The following CYP7B1 variants were observed in gnomAD, a reference collection of about 807,000 sequenced individuals.
CYP7B1 encodes cytochrome P450 family 7 subfamily B member 1.
Under a neutral mutation model 42.7 loss-of-function variants are expected in CYP7B1, and 29 were observed. The ratio of observed to expected loss-of-function variants is 0.68; its 90% confidence interval spans 0.51 to 0.93. The LOEUF is 0.93. Ranked by LOEUF, CYP7B1 falls within the 40% of genes least tolerant of loss-of-function variation. CYP7B1 has a pLI of 0.00. For missense variants in CYP7B1, 655 were observed against 600.5 expected (o/e 1.09, Z -0.95); for synonymous variants, 235 against 218.2 (o/e 1.08, Z -0.68).
At chr8:64,606,540 A>T (rs1358922057) in intron 4 of CYP7B1, among the ~76,000 whole-genome samples, 1 of 152,240 alleles carries the variant, frequency 6.6e-6, no homozygotes, top group Non-Finnish European at 1.5e-5. Flanking sequence ...GGCATATAAC[A>T]GTCCGAATAA....
intron 1 of CYP7B1, among the ~76,000 whole-genome samples, chr8:64,638,223 T>C (rs1805802716): frequency 6.6e-6 from 1 of 152,166 alleles, no homozygotes; most frequent in Non-Finnish European, 1.5e-5. Flanking sequence ...TGATGGCGAC[T>C]TTCCTCACTA....
At chr8:64,766,738 G>A (rs1213058807) in intron 1 of CYP7B1, among the ~76,000 whole-genome samples, 2 of 152,180 alleles carry the variant, frequency 1.3e-5, no homozygotes, top group Non-Finnish European at 2.9e-5. Context: ...CTGCCCCAGG[G>A]AACGAAGGTC....
intron 1 of CYP7B1, among the ~76,000 whole-genome samples, chr8:64,724,930 C>T (rs957066320): frequency 4.6e-5 from 7 of 152,184 alleles, no homozygotes; most frequent in Admixed American, 6.5e-5. Context: ...TTCTGTCTGT[C>T]AGCTGGCTGT....
At chr8:64,731,565 T>C (rs976360850) in intron 1 of CYP7B1, among the ~76,000 whole-genome samples, 1 of 152,096 alleles carries the variant, frequency 6.6e-6, no homozygotes, top group Non-Finnish European at 1.5e-5. Context: ...AGATATAAAA[T>C]AAAAACTCAT....
At chr8:64,788,920 C>T (rs1025001819) in intron 1 of CYP7B1, among the ~76,000 whole-genome samples, 26 of 152,014 alleles carry the variant, frequency 1.7e-4, no homozygotes, top group Non-Finnish European at 4.4e-5. Context: ...TTGTACTTCG[C>T]ACTCTTTTTT....
In CYP7B1 at chr8:64,650,603, G is replaced by A. The variant is rs1179751647; in HGVS notation, c.123-26064C>T. Among the ~76,000 whole-genome samples, 8 of 152,280 alleles carry A rather than the reference G, an allele frequency of 5.3e-5. 1 individual carries two copies. The highest frequency in any genetic ancestry group is 9.6e-5 in the African/African-American group (4 of 41,560). ...GCAGAGGTTGCAGTGAGCCTAGATC[G>A]TGCTGTTGCACTCCATCCTGGGTGA... is the stretch of plus-strand genomic sequence containing the variant. On this transcript the variant is annotated intron_variant, in intron 1 of 5. Transcript: ENST00000310193.
intron 1 of CYP7B1, among the ~76,000 whole-genome samples, chr8:64,648,675 T>C (rs1298396664): frequency 1.3e-5 from 2 of 152,194 alleles, no homozygotes; most frequent in Admixed American, 6.5e-5. Flanking sequence ...TTTGTAATAA[T>C]TGTATTTCCT....
At chr8:64,635,743 A>ATTTTCACCC (rs746257972) in intron 1 of CYP7B1, among the ~76,000 whole-genome samples, 30 of 152,310 alleles carry the variant, frequency 2.0e-4, no homozygotes, top group Non-Finnish European at 2.8e-4. Flanking sequence ...GATGAAATGT[A>ATTTTCACCC]TTTTCACCCT....
chr8:64,745,493 G>C (rs1807630352), intron 1 of CYP7B1, among the ~76,000 whole-genome samples: 1 of 152,122 alleles, frequency 6.6e-6, no homozygotes, highest in Admixed American at 6.6e-5. Flanking sequence ...TACATTTATA[G>C]TGTGCAGAAA....
At chr8:64,624,341 G>A (rs2129630424) in intron 2 of CYP7B1, 62 bp downstream of exon 2, 3 of 1,480,910 alleles carry the variant, frequency 2.0e-6, no homozygotes, top group African/African-American at 1.4e-5. Context: ...AAAACAGAAA[G>A]ACATTAAAGA....
At chr8:64,640,104 C>A (rs1805831282) in intron 1 of CYP7B1, among the ~76,000 whole-genome samples, 1 of 152,016 alleles carries the variant, frequency 6.6e-6, no homozygotes, top group Non-Finnish European at 1.5e-5. Flanking sequence ...AAAATAGAGG[C>A]AAAAGGCAGA....
intron 1 of CYP7B1, among the ~76,000 whole-genome samples, chr8:64,730,555 A>C (rs188989596): frequency 2.0e-3 from 307 of 152,296 alleles, no homozygotes; most frequent in African/African-American, 7.2e-3. Context: ...TCATTGATTG[A>C]GATGAGTACC....
chr8:64,598,848 T>G (rs2129629806), intron 5 of CYP7B1, among the ~76,000 whole-genome samples: 1 of 152,354 alleles, frequency 6.6e-6, no homozygotes, highest in East Asian at 1.9e-4. Flanking sequence ...TTGTTTATTT[T>G]ATGAAACTAA....
chr8:64,798,564 G>A lies in CYP7B1; in HGVS notation c.24C>T (p.Ala8=), dbSNP rs948792404. The change falls in exon 1 of 6, where the codon GCC becomes GCT. Residue 8 remains alanine (A), a synonymous_variant. Coordinates refer to ENST00000310193, the MANE Select transcript of CYP7B1 (RefSeq NM_004820.5). The stretch of plus-strand genomic sequence containing the variant: ...ACCGCTCCAGCGAAAAGCGGCCCGT[G>A]GCCGCGGACACTTCTCCTGCCATCC... The part of the protein sequence containing the change: MAGEVSA[A]TGRFSLERLG... 5 of 1,489,898 alleles carry A rather than the reference G, an allele frequency of 3.4e-6. No individual in the cohort carries two copies. The highest frequency in any genetic ancestry group is 5.6e-5 in the East Asian group (2 of 35,624). The allele number at this position is 1,489,898 out of a possible 1,614,324, so 92.3% of individuals were successfully genotyped here. A position where few individuals can be genotyped will look rare whatever the true frequency, so the allele number is the denominator to read the frequency against.
chr8:64,757,174 G>C (rs184016169), intron 1 of CYP7B1, among the ~76,000 whole-genome samples: 1 of 152,296 alleles, frequency 6.6e-6, no homozygotes, highest in Non-Finnish European at 1.5e-5. Flanking sequence ...ATCAGCTGCA[G>C]GCATGTTTGA....
chr8:64,642,000 C>T (rs749568578), intron 1 of CYP7B1, among the ~76,000 whole-genome samples: 17 of 152,152 alleles, frequency 1.1e-4, no homozygotes, highest in Admixed American at 2.6e-4. Context: ...AAAAATGACT[C>T]ATAAGAGCTA....
intron 1 of CYP7B1, among the ~76,000 whole-genome samples, chr8:64,645,455 A>G (rs138803662): frequency 0.065 from 9,935 of 152,068 alleles, 388 homozygotes; most frequent in South Asian, 0.16. Context: ...TTGCCATTCT[A>G]ACTGGTGTGA....
At chr8:64,658,085 T>C (rs1237185227) in intron 1 of CYP7B1, among the ~76,000 whole-genome samples, 1 of 152,104 alleles carries the variant, frequency 6.6e-6, no homozygotes, top group Non-Finnish European at 1.5e-5. Flanking sequence ...AGGACACTAT[T>C]CCCATTCAAG....
At chr8:64,776,622 C>T (rs1295290731) in intron 1 of CYP7B1, among the ~76,000 whole-genome samples, 1 of 152,058 alleles carries the variant, frequency 6.6e-6, no homozygotes, top group African/African-American at 2.4e-5. Flanking sequence ...TGTGCTTTAG[C>T]AAGGGGTGGG....
Sources: allele counts gnomAD v4.1 joint callset (sites outside exome capture counted in the v4.1 genomes callset), GRCh38; gene constraint gnomAD v4.1.1; transcripts MANE v1.5; gene names NCBI Gene and HGNC (gene_info 2026-07-23, HGNC 2026-07-21).